The following TFPI variants were observed in gnomAD, a reference collection of about 807,000 sequenced individuals.
TFPI encodes tissue factor pathway inhibitor.
Under a neutral mutation model 34.6 loss-of-function variants are expected in TFPI, and 15 were observed. The observed-to-expected ratio is 0.43, with a 90% CI of 0.29 to 0.67. The LOEUF is 0.67. Among genes scored for constraint, TFPI ranks in the 30% least tolerant of loss-of-function variants. TFPI has a pLI of 0.15. For synonymous variants in TFPI, 105 were observed against 120.1 expected, an observed-to-expected ratio of 0.87 and a Z score of 0.82; for missense variants, 301 against 364.0, an observed-to-expected ratio of 0.83 and a Z score of 1.41.
chr2:187,495,909 T>C (rs540326658), intron 3 of TFPI, among the ~76,000 whole-genome samples: 1 of 151,346 alleles, frequency 6.6e-6, no homozygotes, highest in Non-Finnish European at 1.5e-5. Flanking sequence ...CTTGAGTAAC[T>C]TACAATTTGG....
chr2:187,515,747 T>C (rs1425714422), intron 1 of TFPI: 1 of 152,230 alleles, frequency 6.6e-6, no homozygotes, highest in African/African-American at 2.4e-5. Flanking sequence ...AGTTCTATTA[T>C]TTTATGGTTA....
chr2:187,484,544 A>G (rs1475220446), intron 5 of TFPI: 3 of 481,914 alleles, frequency 6.2e-6, no homozygotes, highest in African/African-American at 4.1e-5. Context: ...GATTTCAGCA[A>G]TTCTATTGTG....
chr2:187,465,789 G>A lies in TFPI; in HGVS notation c.*1147C>T, dbSNP rs1246931528. On this transcript the variant is annotated 3_prime_UTR_variant, in exon 8 of 8. Coordinates refer to ENST00000233156, the MANE Select transcript of TFPI (RefSeq NM_006287.6). The stretch of plus-strand genomic sequence containing the variant: ...GAATGAAATGGTTGTTTCTAAATCA[G>A]TTCCAATTCCAGTGTCAGATTTGAG... 6.6e-6 allele frequency: 1 copy of A among 152,100 alleles called. No individual in the cohort carries two copies. 9.4% of individuals were successfully genotyped at this position (152,100 alleles called of 1,614,324 possible).
chr2:187,528,492 ATGT>A (rs1687793187), intron 1 of TFPI, among the ~76,000 whole-genome samples: 1 of 152,182 alleles, frequency 6.6e-6, no homozygotes, highest in Admixed American at 6.5e-5. Context: ...CCTTTCAAAC[ATGT>A]TATTATGGTC....
At position 187,479,675 on chromosome 2, in the gene TFPI, A is replaced by T. The variant is rs1337150506; in HGVS notation, c.628+4449T>A. 4.0e-5 allele frequency among the ~76,000 whole-genome samples: 6 copies of T among 150,202 alleles called. No homozygotes were observed. In the East Asian group the frequency reaches 1.2e-3, roughly 29 times the overall value. ...GACAATTCCATTTTTAAGTCAATGCATACATATATTTAAAATAGACATATA... is the reference window on the plus strand; with the variant it reads ...GACAATTCCATTTTTAAGTCAATGCTTACATATATTTAAAATAGACATATA... On this transcript the variant is annotated intron_variant, in intron 6 of 7. Coordinates refer to ENST00000233156, the MANE Select transcript of TFPI (RefSeq NM_006287.6).
At chr2:187,536,321 T>C (rs1423575685) in intron 1 of TFPI, among the ~76,000 whole-genome samples, 4 of 152,170 alleles carry the variant, frequency 2.6e-5, no homozygotes, top group Non-Finnish European at 5.9e-5. Context: ...TGAATATCGA[T>C]GCAAAAATCC....
chr2:187,499,004 T>C (rs1685670981), intron 2 of TFPI, among the ~76,000 whole-genome samples: 1 of 152,032 alleles, frequency 6.6e-6, no homozygotes, highest in South Asian at 2.1e-4. Flanking sequence ...TTTAAAATAA[T>C]TTTAAACCAA....
intron 1 of TFPI, among the ~76,000 whole-genome samples, chr2:187,548,935 C>T (rs1245781903): frequency 6.6e-6 from 1 of 151,970 alleles, no homozygotes; most frequent in Non-Finnish European, 1.5e-5. Flanking sequence ...TCTGGGAAGT[C>T]TAGAATTAGA....
At chr2:187,532,465 G>A (rs1289751876) in intron 1 of TFPI, among the ~76,000 whole-genome samples, 2 of 152,216 alleles carry the variant, frequency 1.3e-5, no homozygotes, top group African/African-American at 4.8e-5. Flanking sequence ...CCTCACCTGG[G>A]AAGCACAAGG....
intron 6 of TFPI, among the ~76,000 whole-genome samples, chr2:187,473,361 G>A (rs1363027218): frequency 1.3e-5 from 2 of 151,910 alleles, no homozygotes; most frequent in South Asian, 2.1e-4. Flanking sequence ...ATATTGTTCG[G>A]GCTCCTCCAG....
chr2:187,521,878 T>C (rs1412408178), intron 1 of TFPI, among the ~76,000 whole-genome samples: 1 of 152,136 alleles, frequency 6.6e-6, no homozygotes, highest in Non-Finnish European at 1.5e-5. Context: ...AGCATTCCAA[T>C]TTCCACACAT....
chr2:187,508,613 C>A (rs1418747820), intron 1 of TFPI, among the ~76,000 whole-genome samples: 4 of 152,040 alleles, frequency 2.6e-5, no homozygotes, highest in Non-Finnish European at 4.4e-5. Flanking sequence ...CTCTGTTTGT[C>A]TGTTATTGGT....
chr2:187,520,944 C>G (rs1559141416), intron 1 of TFPI, among the ~76,000 whole-genome samples: 1 of 151,844 alleles, frequency 6.6e-6, no homozygotes, highest in Non-Finnish European at 1.5e-5. Context: ...TTAATTTTTT[C>G]TGAGTGCCTT....
At chr2:187,497,214 C>T in intron 2 of TFPI, 136 bp from the exon 3 acceptor site, 1 of 831,056 alleles carries the variant, frequency 1.2e-6, no homozygotes, top group South Asian at 2.0e-5. Context: ...AAAAGTTATT[C>T]AGTTATCAAA....
intron 6 of TFPI, among the ~76,000 whole-genome samples, chr2:187,472,885 G>A (rs943816220): frequency 1.9e-4 from 29 of 152,074 alleles, no homozygotes; most frequent in African/African-American, 5.5e-4. Context: ...GGTGGCACAC[G>A]CATGTGGTCC....
At chr2:187,476,853 TTAG>T (rs1490416692) in intron 6 of TFPI, among the ~76,000 whole-genome samples, 1 of 152,114 alleles carries the variant, frequency 6.6e-6, no homozygotes. Flanking sequence ...TCTTATCAAA[TTAG>T]TATTATTTAT....
intron 1 of TFPI, among the ~76,000 whole-genome samples, chr2:187,531,964 G>A (rs1472449143): frequency 1.3e-5 from 2 of 151,664 alleles, no homozygotes; most frequent in East Asian, 3.9e-4. Context: ...TTTATTTTTA[G>A]CTACATATTT....
intron 1 of TFPI, among the ~76,000 whole-genome samples, chr2:187,530,283 T>C (rs1349773938): frequency 6.6e-6 from 1 of 152,202 alleles, no homozygotes; most frequent in African/African-American, 2.4e-5. Flanking sequence ...ACTATGAAAG[T>C]ACCCAGAAGG....
At chr2:187,508,037 A>G (rs1686350563) in intron 1 of TFPI, among the ~76,000 whole-genome samples, 1 of 152,204 alleles carries the variant, frequency 6.6e-6, no homozygotes, top group African/African-American at 2.4e-5. Flanking sequence ...ATGGCTAGTC[A>G]GTTTTCCCAA....
Sources: allele counts gnomAD v4.1 joint callset (sites outside exome capture counted in the v4.1 genomes callset), GRCh38; gene constraint gnomAD v4.1.1; transcripts MANE v1.5; gene names NCBI Gene and HGNC (gene_info 2026-07-23, HGNC 2026-07-21).